AGBL1: variants seen among roughly 807,000 people sequenced by gnomAD.
AGBL1 encodes the protein cytosolic carboxypeptidase 4.
Under a neutral mutation model 118.9 loss-of-function variants are expected in AGBL1, and 130 were observed. The ratio of observed to expected loss-of-function variants is 1.09; its 90% CI spans 0.95 to 1.26. The LOEUF (loss-of-function observed/expected upper bound fraction) is 1.26, where lower values mean the gene tolerates loss of function less well. Among genes scored for constraint, AGBL1 ranks in the 50% most tolerant of loss-of-function variants. AGBL1 has a pLI of 0.00. For synonymous variants in AGBL1, 555 were observed against 478.9 expected, an observed-to-expected ratio of 1.16 and a Z score of -2.08; for missense variants, 1,584 against 1,298.1, an observed-to-expected ratio of 1.22 and a Z score of -3.38.
intron 4 of AGBL1, among the ~76,000 whole-genome samples, chr15:86,155,864 A>G (rs1597468434): frequency 6.6e-6 from 1 of 152,186 alleles, no homozygotes; most frequent in African/African-American, 2.4e-5. Flanking sequence ...CCTTAACAAA[A>G]TATCACAGTC....
Position 86,447,030 on chromosome 15 carries a change from A to G in AGBL1, c.2555+49484A>G, listed in dbSNP as rs190654743. On this transcript the variant is annotated intron_variant, in intron 18 of 22. Coordinates refer to ENST00000614907, the MANE Select transcript of AGBL1 (RefSeq NM_001386094.1). ...TCGTATACTTTAGAACAAGATTCTG[A>G]TTCAGAAGTTTTGATATAGGGCCCA... 2.0e-3 allele frequency among the ~76,000 whole-genome samples: 299 copies of G among 152,260 alleles called. 2 individuals are homozygous for G. Among genetic ancestry groups the G allele is most frequent in the African/African-American group, 7.0e-3 (290 of 41,556 alleles).
At chr15:86,394,122 C>T (rs1318639855) in intron 17 of AGBL1, among the ~76,000 whole-genome samples, 1 of 152,082 alleles carries the variant, frequency 6.6e-6, no homozygotes, top group East Asian at 1.9e-4. Context: ...AAATCCATTG[C>T]CCAGTTTTTT....
chr15:86,920,362 T>G (rs1484960671), downstream of AGBL1, among the ~76,000 whole-genome samples: 1 of 152,202 alleles, frequency 6.6e-6, no homozygotes. Flanking sequence ...GAATCTCTTT[T>G]ACTTCTACTA....
intron 22 of AGBL1, among the ~76,000 whole-genome samples, chr15:86,770,292 G>A (rs954420228): frequency 7.9e-5 from 12 of 151,912 alleles, no homozygotes; most frequent in African/African-American, 1.9e-4. Flanking sequence ...TCACAGTGCA[G>A]TGGTCCCTCC....
In AGBL1 at chr15:86,194,101, G is replaced by T. The variant is rs74025013; in HGVS notation, c.489-30813G>T. Among the ~76,000 whole-genome samples the T allele has an allele frequency of 8.9e-3, 1,352 of 152,294 alleles. 17 individuals carry two copies. Among genetic ancestry groups the T allele is most frequent in the African/African-American group, 0.031 (1,298 of 41,538 alleles). ...TTCCTTTCACTCGTACTCACATCCTGTTGGAACGACTCATTTTGTTCTCGT... is the reference window on the plus strand; with the variant it reads ...TTCCTTTCACTCGTACTCACATCCTTTTGGAACGACTCATTTTGTTCTCGT... On this transcript the variant is annotated intron_variant, in intron 5 of 22. Transcript: ENST00000614907.
intron 22 of AGBL1, among the ~76,000 whole-genome samples, chr15:86,737,824 G>A (rs2077623245): frequency 6.6e-6 from 1 of 152,152 alleles, no homozygotes; most frequent in Admixed American, 6.6e-5. Flanking sequence ...TAAATGTGCA[G>A]TATTTTAAAA....
At chr15:86,440,283 T>A (rs1473459672) in intron 18 of AGBL1, among the ~76,000 whole-genome samples, 1 of 152,020 alleles carries the variant, frequency 6.6e-6, no homozygotes. Context: ...AATAAAAGAA[T>A]CTGCCCAACC....
In AGBL1 at chr15:86,560,710, G is replaced by A. The variant is rs572783465; in HGVS notation, c.2994+6173G>A. Among the ~76,000 whole-genome samples the A allele has an allele frequency of 1.8e-3, 270 of 152,280 alleles. 6 individuals carry two copies. In the South Asian group the frequency reaches 0.043, roughly 24 times the overall value. On this transcript the variant is annotated intron_variant, in intron 21 of 22. Coordinates refer to ENST00000614907, the MANE Select transcript of AGBL1 (RefSeq NM_001386094.1). Reference sequence around the variant, plus strand: ...TCTAGTTCTAGATCCTTGAGGAATCGCCACACTGTCTTCCACAATGGTTGA... The same window carrying A: ...TCTAGTTCTAGATCCTTGAGGAATCACCACACTGTCTTCCACAATGGTTGA...
intron 1 of AGBL1, among the ~76,000 whole-genome samples, chr15:86,085,714 G>A (rs1447285210): frequency 6.6e-6 from 1 of 152,214 alleles, no homozygotes; most frequent in African/African-American, 2.4e-5. Flanking sequence ...CTAGGAGGAA[G>A]GGCTGGGATG....
At chr15:86,857,897 C>G (rs2079505776) in intron 22 of AGBL1, among the ~76,000 whole-genome samples, 1 of 152,200 alleles carries the variant, frequency 6.6e-6, no homozygotes, top group African/African-American at 2.4e-5. Context: ...TCCACAAGCT[C>G]TTTCCCACAT....
intron 21 of AGBL1, among the ~76,000 whole-genome samples, chr15:86,614,051 G>A (rs1189304453): frequency 6.6e-6 from 1 of 152,130 alleles, no homozygotes; most frequent in Non-Finnish European, 1.5e-5. Context: ...TAAATCCTAA[G>A]AACAGAAGAA....
At chr15:86,853,117 C>T (rs73445301) in intron 22 of AGBL1, among the ~76,000 whole-genome samples, 13,867 of 152,216 alleles carry the variant, frequency 0.091, 694 homozygotes, top group Middle Eastern at 0.12. Flanking sequence ...GGGGCCAAGG[C>T]ATCAGAATTC....
intron 22 of AGBL1, among the ~76,000 whole-genome samples, chr15:86,838,730 G>A (rs2079202253): frequency 6.6e-6 from 1 of 151,616 alleles, no homozygotes; most frequent in South Asian, 2.1e-4. Context: ...GCTTGAGCCC[G>A]GGAGTTTGAG....
intron 5 of AGBL1, among the ~76,000 whole-genome samples, chr15:86,200,859 A>G (rs2077897311): frequency 6.6e-6 from 1 of 151,750 alleles, no homozygotes; most frequent in Non-Finnish European, 1.5e-5. Flanking sequence ...CAGGTGATCC[A>G]CTTGTCTCGG....
intron 22 of AGBL1, among the ~76,000 whole-genome samples, chr15:86,876,829 C>G (rs2079816937): frequency 1.3e-5 from 2 of 152,250 alleles, no homozygotes; most frequent in Admixed American, 6.5e-5. Flanking sequence ...TTTGGGCTCC[C>G]TAAGTCCTGG....
At chr15:86,286,747 A>G (rs1597682854) in intron 16 of AGBL1, among the ~76,000 whole-genome samples, 1 of 145,814 alleles carries the variant, frequency 6.9e-6, no homozygotes, top group East Asian at 2.0e-4. Context: ...ATATATATAT[A>G]TAAAACTCCA....
At chr15:86,965,079 C>T (rs1461183889) in intron 23 of AGBL1, among the ~76,000 whole-genome samples, 2 of 152,104 alleles carry the variant, frequency 1.3e-5, no homozygotes, top group East Asian at 1.9e-4. Flanking sequence ...GTGAACAGTG[C>T]TGCAATAAAC....
intron 22 of AGBL1, among the ~76,000 whole-genome samples, chr15:86,766,003 T>C (rs571965102): frequency 6.6e-6 from 1 of 152,130 alleles, no homozygotes; most frequent in Admixed American, 6.6e-5. Flanking sequence ...TAATAGTTAA[T>C]AATAGTAATA....
chr15:86,356,528 A>G (rs2080723894), intron 17 of AGBL1, among the ~76,000 whole-genome samples: 1 of 151,940 alleles, frequency 6.6e-6, no homozygotes, highest in Non-Finnish European at 1.5e-5. Context: ...AGGAAATGAG[A>G]GGCAAGCTTG....
Sources: gnomAD v4.1 joint callset for allele counts (sites outside exome capture counted in the v4.1 genomes callset) on GRCh38, gnomAD v4.1.1 for gene constraint, MANE v1.5 for transcripts, NCBI Gene and HGNC (gene_info 2026-07-23, HGNC 2026-07-21) for gene names.